The following CACNA1E variants were observed in gnomAD, a reference collection of about 807,000 sequenced individuals.
CACNA1E encodes the protein calcium voltage-gated channel subunit alpha1 E.
In CACNA1E, 40 loss-of-function variants were observed where a neutral mutation model predicts 259.2. The observed-to-expected ratio is 0.15, with a 90% CI of 0.12 to 0.20. The LOEUF is 0.20. CACNA1E is among the 10% of genes least tolerant of loss of function. CACNA1E has a pLI of 1.00. For synonymous variants in CACNA1E, 1,104 were observed against 1,138.5 expected (o/e 0.97, Z 0.61); for missense variants, 1,874 against 3,040.1 (o/e 0.62, Z 9.02).
chr1:181,677,471 A>T (rs1263098554), intron 7 of CACNA1E, among the ~76,000 whole-genome samples: 1 of 152,214 alleles, frequency 6.6e-6, no homozygotes, highest in Non-Finnish European at 1.5e-5. Context: ...CAGCAATTCT[A>T]GCACCTTAGA....
intron 1 of CACNA1E, among the ~76,000 whole-genome samples, chr1:181,350,066 G>A (rs148194095): frequency 1.5e-3 from 226 of 152,308 alleles, no homozygotes; most frequent in African/African-American, 2.1e-3. Flanking sequence ...TGGCCAGGAA[G>A]CTGCCTTGGA....
At chr1:181,453,370 C>T (rs2102343643) in intron 2 of CACNA1E, among the ~76,000 whole-genome samples, 1 of 152,334 alleles carries the variant, frequency 6.6e-6, no homozygotes, top group South Asian at 2.1e-4. Context: ...CTAAGCCTTT[C>T]TCCTCTTCTT....
At chr1:181,720,951 C>A in intron 15 of CACNA1E, 96 bp downstream of exon 15, 1 of 803,086 alleles carries the variant, frequency 1.2e-6, no homozygotes. Flanking sequence ...TCTGCTTTTC[C>A]TTTCCAGGCT....
rs1328398122 is a variant in CACNA1E at position 181,732,090 on chromosome 1, C to T, written c.2298-294C>T. On this transcript the variant is annotated intron_variant, in intron 19 of 47. Transcript: ENST00000367573. The surrounding 1 kb of genome is among the most constrained non-coding windows in gnomAD (Gnocchi z 5.5). The stretch of plus-strand genomic sequence containing the variant: ...GTGGTAAGCCTGTGGATGGCTGCCC[C>T]AGCAGGCCCTGGGGACTTGGAACTC... 6.6e-6 allele frequency among the ~76,000 whole-genome samples: 1 copy of T among 151,920 alleles called. No homozygotes were observed. Among genetic ancestry groups the T allele is most frequent in the Non-Finnish European group, 1.5e-5 (1 of 68,002 alleles).
chr1:181,590,752 A>G (rs567517965), intron 6 of CACNA1E, among the ~76,000 whole-genome samples: 2 of 152,192 alleles, frequency 1.3e-5, no homozygotes, highest in South Asian at 4.2e-4. Flanking sequence ...GGTGCCTTGC[A>G]GGTGCTCCCA....
chr1:181,654,857 G>A (rs1204705436), intron 7 of CACNA1E, among the ~76,000 whole-genome samples: 26 of 151,772 alleles, frequency 1.7e-4, no homozygotes, highest in African/African-American at 2.7e-4. Flanking sequence ...GGTGGCGGGC[G>A]CCTGTAGTCC....
chr1:181,422,427 C>G (rs1658819586), intron 2 of CACNA1E, among the ~76,000 whole-genome samples: 1 of 152,202 alleles, frequency 6.6e-6, no homozygotes, highest in Non-Finnish European at 1.5e-5. Context: ...ACCAAACGGT[C>G]TAGTCCAGGA....
chr1:181,658,888 G>C (rs549201478), intron 7 of CACNA1E, among the ~76,000 whole-genome samples: 1 of 152,150 alleles, frequency 6.6e-6, no homozygotes, highest in East Asian at 1.9e-4. Context: ...GGGCTTTATT[G>C]GTGTCTGCAG....
chr1:181,389,778 T>C (rs1656124825), intron 1 of CACNA1E, among the ~76,000 whole-genome samples: 1 of 152,218 alleles, frequency 6.6e-6, no homozygotes, highest in Non-Finnish European at 1.5e-5. Flanking sequence ...AAATCTTTGT[T>C]ACTGGGGCTG....
chr1:181,567,428 C>A (rs7545423), intron 3 of CACNA1E, among the ~76,000 whole-genome samples: 1 of 151,994 alleles, frequency 6.6e-6, no homozygotes, highest in East Asian at 1.9e-4. Context: ...ATGTATTGAG[C>A]AATATACCCC....
intron 6 of CACNA1E, among the ~76,000 whole-genome samples, chr1:181,594,560 G>A (rs1652970043): frequency 6.6e-6 from 1 of 152,148 alleles, no homozygotes; most frequent in Non-Finnish European, 1.5e-5. Flanking sequence ...TACCATGCCA[G>A]ACTAATTTTT....
At chr1:181,363,340 A>G (rs1030772073) in intron 1 of CACNA1E, among the ~76,000 whole-genome samples, 1 of 152,250 alleles carries the variant, frequency 6.6e-6, no homozygotes, top group African/African-American at 2.4e-5. Flanking sequence ...GAGGAGAGAA[A>G]TAGTCCTAGC....
chr1:181,788,517 G>A (rs1343260084), intron 43 of CACNA1E, among the ~76,000 whole-genome samples: 2 of 152,210 alleles, frequency 1.3e-5, no homozygotes, highest in Non-Finnish European at 2.9e-5. Context: ...TTACAGAGTG[G>A]TAGGGGAGTT....
At chr1:181,579,499 C>T (rs759460522) in intron 5 of CACNA1E, among the ~76,000 whole-genome samples, 17 of 152,192 alleles carry the variant, frequency 1.1e-4, no homozygotes, top group Admixed American at 2.6e-4. Context: ...TGGGAATGAA[C>T]TTGAAAAGCC....
rs1193627749 is a variant in CACNA1E at position 181,710,836 on chromosome 1, G to A, written c.1056-118G>A. On this transcript the variant is annotated intron_variant, in intron 7 of 47. Coordinates refer to ENST00000367573, the MANE Select transcript of CACNA1E (RefSeq NM_001205293.3). Reference sequence around the variant, plus strand: ...ATTTGCAGCCTGGGTCAGGGGAAAGGGTACATGGGCTTAATAGAGGTACTT... The same window carrying A: ...ATTTGCAGCCTGGGTCAGGGGAAAGAGTACATGGGCTTAATAGAGGTACTT... 3 of 708,656 alleles carry A rather than the reference G, an allele frequency of 4.2e-6. No individual in the cohort carries two copies. The East Asian group carries it at 7.8e-5, about 18-fold the overall frequency. 43.9% of individuals were successfully genotyped at this position (708,656 alleles called of 1,614,324 possible).
At chr1:181,330,537 C>G (rs1651179581) in intron 1 of CACNA1E, among the ~76,000 whole-genome samples, 1 of 152,220 alleles carries the variant, frequency 6.6e-6, no homozygotes, top group South Asian at 2.1e-4. Flanking sequence ...ACAACTCCGA[C>G]CCCAGATTCT....
chr1:181,457,020 G>A (rs1473643906), intron 2 of CACNA1E, among the ~76,000 whole-genome samples: 1 of 152,218 alleles, frequency 6.6e-6, no homozygotes, highest in Non-Finnish European at 1.5e-5. Flanking sequence ...AAAGATAAGT[G>A]TCTTAGTCTG....
At chr1:181,321,234 A>G (rs1159964283) in intron 1 of CACNA1E, among the ~76,000 whole-genome samples, 2 of 152,170 alleles carry the variant, frequency 1.3e-5, no homozygotes, top group South Asian at 2.1e-4. Flanking sequence ...TGGGGGTCAC[A>G]TTTCAGCATG....
chr1:181,798,551 A>G lies in CACNA1E; in HGVS notation c.6659A>G (p.Gln2220Arg). 1 of 1,613,852 alleles carries G rather than the reference A, an allele frequency of 6.2e-7. No individual in the cohort carries two copies. Among genetic ancestry groups the G allele is most frequent in the Non-Finnish European group, 8.5e-7 (1 of 1,179,884 alleles). Residue 2220 changes from glutamine (Q) to arginine (R), a missense_variant, in exon 48 of 48, where the codon CAA becomes CGA. Transcript: ENST00000367573. The surrounding 1 kb of genome is among the most constrained non-coding windows in gnomAD (Gnocchi z 4.2). ...SSNSPHPQQS[Q>R]HASPQRYISE... ...AACTCTCCGCACCCCCAGCAGAGCC[A>G]ACATGCCTCCCCACAGCGCTACATC...
Sources: gnomAD v4.1 joint callset for allele counts (sites outside exome capture counted in the v4.1 genomes callset) on GRCh38, gnomAD v4.1.1 for gene constraint, Gnocchi (gnomAD v3.1) non-coding constraint, MANE v1.5 for transcripts, NCBI Gene and HGNC (gene_info 2026-07-23, HGNC 2026-07-21) for gene names.